Variants in MTERF4 observed in about 807,000 individuals in gnomAD.
The protein encoded by MTERF4 is mitochondrial transcription termination factor 4.
A neutral mutation model predicts 22.5 loss-of-function variants in MTERF4; 17 were observed. That is an observed-to-expected ratio of 0.75 (90% CI 0.52 to 1.13). The LOEUF is 1.13. Ranked by LOEUF, MTERF4 falls within the 50% of genes most tolerant of loss-of-function variation. The probability of loss-of-function intolerance (pLI) is 0.00; values close to 1 mark genes in which losing one functional copy is unlikely to be tolerated. For missense variants in MTERF4, 420 were observed against 466.8 expected (o/e 0.90, Z 0.92); for synonymous variants, 165 against 175.3 (o/e 0.94, Z 0.47).
chr2:241,065,641 C>T, the MTERF4 span: 12 of 1,551,198 alleles, frequency 7.7e-6, no homozygotes, highest in Middle Eastern at 2.2e-4. Flanking sequence ...CCCTGCCCCT[C>T]GAGGGCAGCG....
exon 5 of MTERF4, chr2:241,072,300 G>T: frequency 2.3e-6 from 1 of 442,522 alleles, no homozygotes; most frequent in South Asian, 1.7e-5. Flanking sequence ...CACTGTCCTG[G>T]CAAGATCTTC....
At chr2:241,049,844 C>T in the MTERF4 span, 11 of 1,613,854 alleles carry the variant, frequency 6.8e-6, no homozygotes, top group Non-Finnish European at 9.3e-6. Context: ...GACTCGGACC[C>T]CTGCTTCAAC....
rs756558471 is a variant in MTERF4, at chr2:241,096,353, C to G, written c.791G>C (p.Arg264Thr). ...LQYSLTKIKQRHIYLERLGRY... is the reference protein window; with the variant it reads ...LQYSLTKIKQTHIYLERLGRY... ...TCCCAGGCGCTCCAGGTAAATGTGT[C>G]TCTGCTTAATCTTGGTTAGTGAATA... The change falls in exon 4 of 4, where the codon AGA becomes ACA. Residue 264 changes from arginine (R) to threonine (T), a missense_variant. Physicochemically the swap from Arg to Thr is moderately conservative, Grantham distance 71 (BLOSUM62 -1). Coordinates refer to ENST00000391980, the MANE Select transcript of MTERF4 (RefSeq NM_182501.4). The surrounding 1 kb of genome is among the most constrained non-coding windows in gnomAD (Gnocchi z 5.1). The G allele has an allele frequency of 1.2e-6, 2 of 1,614,152 alleles. No homozygotes were observed. The highest frequency in any genetic ancestry group is 2.2e-5 in the South Asian group (2 of 91,076).
At chr2:241,090,322 G>A (rs61234509), downstream of MTERF4, 316,058 of 1,549,484 alleles carry the variant, frequency 0.2, 33,151 homozygotes, top group Middle Eastern at 0.26. Flanking sequence ...CTTCCACATC[G>A]TGTCCCAGTA....
At chr2:241,097,527 AAGG>A (rs2064510450) in intron 2 of MTERF4, 100 bp from the exon 3 acceptor site, 2 of 1,153,500 alleles carry the variant, frequency 1.7e-6, no homozygotes, top group African/African-American at 1.5e-5. Flanking sequence ...AAAAACAAAC[AAGG>A]ATCCTCTCCT....
At chr2:241,082,358 A>G (rs2125307170), downstream of MTERF4, 1 of 1,612,694 alleles carries the variant, frequency 6.2e-7, no homozygotes, top group East Asian at 2.2e-5. Flanking sequence ...GGCGTCTGTC[A>G]CCACGTGTAA....
At chr2:241,087,739 G>A, downstream of MTERF4, 1 of 1,290,088 alleles carries the variant, frequency 7.8e-7, no homozygotes, top group Non-Finnish European at 9.9e-7. Context: ...CACAGAACAT[G>A]GTGCTACAAT....
At chr2:241,070,071 C>A (rs367610382), downstream of MTERF4, 1 of 1,612,980 alleles carries the variant, frequency 6.2e-7, no homozygotes, top group Non-Finnish European at 8.5e-7. Context: ...ATGTCCCCAA[C>A]GGGAAGCTGG....
downstream of MTERF4, among the ~76,000 whole-genome samples, chr2:241,067,548 CGTCATGCTCACAGCGGGTTCTGCAGCT>C (rs1342660329): frequency 3.9e-5 from 6 of 152,270 alleles, no homozygotes; most frequent in South Asian, 8.3e-4. Flanking sequence ...GCTCTGCAGC[CGTCATGCTCACAGCGGGTTCTGCAGCT>C]GTCAGCCCTG....
intron 4 of MTERF4, among the ~76,000 whole-genome samples, chr2:241,078,306 C>T (rs1486390449): frequency 6.6e-6 from 1 of 150,946 alleles, no homozygotes; most frequent in Non-Finnish European, 1.5e-5. Context: ...TCGCTTGAAC[C>T]CGGGAGGTGG....
downstream of MTERF4, among the ~76,000 whole-genome samples, chr2:241,083,037 G>A (rs529256082): frequency 8.5e-5 from 13 of 152,192 alleles, no homozygotes; most frequent in South Asian, 1.7e-3. Context: ...TTCAGGACCC[G>A]TTCATTGCAG....
the MTERF4 span, chr2:241,064,265 TCC>T: frequency 1.1e-5 from 7 of 614,848 alleles, no homozygotes; most frequent in Non-Finnish European, 1.9e-5. This position sits in a 1 kb window ranked among gnomAD's most constrained non-coding sequence, Gnocchi z 7.0. Context: ...GCCTTGGAAG[TCC>T]CCTTCTCAGG....
chr2:241,072,923 G>A (rs1167570709), exon 5 of MTERF4: 4 of 343,630 alleles, frequency 1.2e-5, no homozygotes, highest in Non-Finnish European at 2.1e-5. Context: ...AAGCAGGGGT[G>A]GAAGGAGAGG....
the MTERF4 span, among the ~76,000 whole-genome samples, chr2:241,050,627 C>T: frequency 2.0e-5 from 3 of 152,196 alleles, no homozygotes; most frequent in South Asian, 2.1e-4. Context: ...CCCCGTGGCT[C>T]CCCCAACCAC....
At chr2:241,065,647 C>G in the MTERF4 span, 1 of 1,517,654 alleles carries the variant, frequency 6.6e-7, no homozygotes, top group Admixed American at 1.9e-5. Flanking sequence ...CCCTCGAGGG[C>G]AGCGCTGGCC....
chr2:241,065,102 G>C, the MTERF4 span: 1 of 815,634 alleles, frequency 1.2e-6, no homozygotes, highest in African/African-American at 1.7e-5. Context: ...AAAATCCCCC[G>C]GTGGGCTTGA....
chr2:241,096,729 GA>G lies in MTERF4; in HGVS notation c.706-292del. On this transcript the variant is annotated intron_variant, in intron 3 of 3. Coordinates refer to ENST00000391980, the MANE Select transcript of MTERF4 (RefSeq NM_182501.4). The surrounding 1 kb of genome is among the most constrained non-coding windows in gnomAD (Gnocchi z 5.1). ...TGGTATTTTTCTTTAAATGGGGAAGGAAAAGGATGAATATGGAAAGAATAGG... is the reference window on the plus strand; with the variant it reads ...TGGTATTTTTCTTTAAATGGGGAAGGAAAGGATGAATATGGAAAGAATAGG... The G allele has an allele frequency of 3.2e-6, 2 of 616,026 alleles. No individual in the cohort carries two copies. Among genetic ancestry groups the G allele is most frequent in the Non-Finnish European group, 3.1e-6 (1 of 326,072 alleles). The allele number at this position is 616,026 out of a possible 1,614,324, so 38.2% of individuals were successfully genotyped here. A position where few individuals can be genotyped will look rare whatever the true frequency, so the allele number is the denominator to read the frequency against.
At chr2:241,069,439 A>G (rs1466397475), downstream of MTERF4, among the ~76,000 whole-genome samples, 1 of 152,156 alleles carries the variant, frequency 6.6e-6, no homozygotes, top group Admixed American at 6.5e-5. The surrounding 1 kb of genome is among the most constrained non-coding windows in gnomAD (Gnocchi z 4.9). Context: ...GGGTGACAGC[A>G]TGGACAGTCA....
the MTERF4 span, chr2:241,064,972 C>T: frequency 1.9e-5 from 30 of 1,552,142 alleles, no homozygotes; most frequent in African/African-American, 1.4e-4. The surrounding 1 kb of genome is among the most constrained non-coding windows in gnomAD (Gnocchi z 7.0). Flanking sequence ...GTGGCGAGGG[C>T]GCCTCCAGTG....
Sources: gnomAD v4.1 joint callset for allele counts (sites outside exome capture counted in the v4.1 genomes callset) on GRCh38, gnomAD v4.1.1 for gene constraint, Gnocchi (gnomAD v3.1) non-coding constraint, MANE v1.5 for transcripts, NCBI Gene and HGNC (gene_info 2026-07-23, HGNC 2026-07-21) for gene names.